FGF12: variants seen among roughly 807,000 people sequenced by gnomAD.
The protein encoded by FGF12 is fibroblast growth factor 12B.
Under a neutral mutation model 23.6 loss-of-function variants are expected in FGF12, and 14 were observed. The ratio of observed to expected loss-of-function variants is 0.59; its 90% CI spans 0.39 to 0.93. The LOEUF (loss-of-function observed/expected upper bound fraction) is 0.93, where lower values mean the gene tolerates loss of function less well. Ranked by LOEUF, FGF12 falls within the 40% of genes least tolerant of loss-of-function variation. The pLI is 0.00. For missense variants in FGF12, 175 were observed against 217.8 expected (o/e 0.80, Z 1.24); for synonymous variants, 62 against 77.3 (o/e 0.80, Z 1.04).
chr3:192,546,486 CAAAAA>C (rs34097611), intron 2 of FGF12, among the ~76,000 whole-genome samples: 1 of 142,866 alleles, frequency 7.0e-6, no homozygotes. Flanking sequence ...TGCTACTTTT[CAAAAA>C]AAAAAAAAAA....
intron 2 of FGF12, among the ~76,000 whole-genome samples, chr3:192,675,489 T>C (rs769689289): frequency 1.3e-5 from 2 of 152,152 alleles, no homozygotes; most frequent in African/African-American, 2.4e-5. Context: ...TCATTAATTA[T>C]CACCCCAAAA....
At position 192,167,767 on chromosome 3, in the gene FGF12, AT is replaced by A. The variant is rs1715292658; in HGVS notation, c.427+2690del. ...TATATATATATATATATATATATAT[AT>A]AAAATTTTTTTTTTTTTTTTTTTTT... On this transcript the variant is annotated intron_variant, in intron 5 of 5. Coordinates refer to ENST00000445105, the MANE Select transcript of FGF12 (RefSeq NM_004113.6). Among the ~76,000 whole-genome samples, 85 of 29,338 alleles carry A rather than the reference AT, an allele frequency of 2.9e-3. 4 individuals are homozygous for A. The highest frequency in any genetic ancestry group is 0.012 in the African/African-American group (81 of 6,784). The allele number at this position is 29,338 out of a possible 152,430, so 19.2% of individuals were successfully genotyped here.
chr3:192,594,328 A>G (rs929575969), intron 2 of FGF12, among the ~76,000 whole-genome samples: 6 of 151,904 alleles, frequency 3.9e-5, no homozygotes, highest in Admixed American at 2.0e-4. Flanking sequence ...TATTTAGCCT[A>G]TATTTGTTAA....
chr3:192,471,960 A>G (rs531576624), intron 2 of FGF12, among the ~76,000 whole-genome samples: 2 of 151,794 alleles, frequency 1.3e-5, no homozygotes, highest in African/African-American at 4.9e-5. Flanking sequence ...GTACCTGCAC[A>G]TGCTGATTAA....
At chr3:192,320,509 C>G (rs1377671365) in intron 4 of FGF12, among the ~76,000 whole-genome samples, 4 of 152,118 alleles carry the variant, frequency 2.6e-5, no homozygotes, top group Non-Finnish European at 5.9e-5. Flanking sequence ...GCAGAATATA[C>G]ATTCTTCTCA....
chr3:192,158,375 T>TTTC (rs1714603411), intron 5 of FGF12, among the ~76,000 whole-genome samples: 3 of 117,220 alleles, frequency 2.6e-5, no homozygotes, highest in East Asian at 2.2e-4. Flanking sequence ...TCTTTCTTTC[T>TTTC]TTCTTTCTTT....
At chr3:192,727,381 G>A in intron 1 of FGF12, 58 bp from the exon 2 acceptor site, 1 of 1,499,542 alleles carries the variant, frequency 6.7e-7, no homozygotes, top group Non-Finnish European at 8.9e-7. Context: ...AGGACACTTA[G>A]GAGCAGCAGC....
At chr3:192,511,282 C>A (rs1472781511) in intron 2 of FGF12, among the ~76,000 whole-genome samples, 2 of 151,984 alleles carry the variant, frequency 1.3e-5, no homozygotes, top group Non-Finnish European at 2.9e-5. Flanking sequence ...ACTGTAGGGA[C>A]CTACTGCCAA....
At position 192,423,055 on chromosome 3, in the gene FGF12, G is replaced by A. The variant is rs140428580; in HGVS notation, c.14-62517C>T. 4.2e-3 allele frequency among the ~76,000 whole-genome samples: 635 copies of A among 152,212 alleles called. 6 individuals carry two copies. Among genetic ancestry groups the A allele is most frequent in the African/African-American group, 0.014 (600 of 41,532 alleles). Reference sequence around the variant, plus strand: ...AAGTAAGCCTTGATATGACAGCTCCGTGAGTTTATAATCCTAACTGAGCCC... The same window carrying A: ...AAGTAAGCCTTGATATGACAGCTCCATGAGTTTATAATCCTAACTGAGCCC... On this transcript the variant is annotated intron_variant, in intron 2 of 5. Transcript: ENST00000445105.
At chr3:192,714,995 T>C (rs1251878708) in intron 2 of FGF12, among the ~76,000 whole-genome samples, 1 of 152,216 alleles carries the variant, frequency 6.6e-6, no homozygotes, top group African/African-American at 2.4e-5. Flanking sequence ...CAGCAGAGAC[T>C]GGCAAAAATC....
chr3:192,173,698 GA>G (rs1715701636), intron 4 of FGF12, among the ~76,000 whole-genome samples: 1 of 151,900 alleles, frequency 6.6e-6, no homozygotes, highest in Admixed American at 6.6e-5. Flanking sequence ...CTATGCTAAG[GA>G]ACTCTGGAAA....
rs1220936324 is a variant in FGF12 at position 192,360,169 on chromosome 3, G to A, written c.124+259C>T. Among the ~76,000 whole-genome samples the A allele has an allele frequency of 6.6e-6, 1 of 152,128 alleles. No individual in the cohort carries two copies. The highest frequency in any genetic ancestry group is 2.4e-5 in the African/African-American group (1 of 41,420). The stretch of plus-strand genomic sequence containing the variant: ...TATCATCATGCTGCCTAAAAACACT[G>A]TGATGGGAGTATATTCTTGCCCATT... On this transcript the variant is annotated intron_variant, in intron 3 of 5. Coordinates refer to ENST00000445105, the MANE Select transcript of FGF12 (RefSeq NM_004113.6). The surrounding 1 kb of genome is among the most constrained non-coding windows in gnomAD (Gnocchi z 4.3).
At chr3:192,293,357 G>A (rs914797160) in intron 4 of FGF12, among the ~76,000 whole-genome samples, 2 of 152,184 alleles carry the variant, frequency 1.3e-5, no homozygotes, top group African/African-American at 2.4e-5. Flanking sequence ...TGAAGTGTAT[G>A]TATCTGGAGA....
At chr3:192,374,035 T>A (rs1317611805) in intron 2 of FGF12, among the ~76,000 whole-genome samples, 1 of 152,220 alleles carries the variant, frequency 6.6e-6, no homozygotes, top group African/African-American at 2.4e-5. Flanking sequence ...ATGTGACACA[T>A]TGTATTAAGA....
At chr3:192,660,055 A>G (rs1560185102) in intron 2 of FGF12, among the ~76,000 whole-genome samples, 1 of 152,008 alleles carries the variant, frequency 6.6e-6, no homozygotes, top group Admixed American at 6.6e-5. Flanking sequence ...AAAGACACAC[A>G]CACACGTATG....
intron 4 of FGF12, among the ~76,000 whole-genome samples, chr3:192,191,125 G>A (rs1279033319): frequency 1.3e-5 from 2 of 152,098 alleles, no homozygotes; most frequent in African/African-American, 4.8e-5. Context: ...TGACTACCCT[G>A]ACATAATATG....
chr3:192,703,311 G>C (rs1718361957), intron 2 of FGF12, among the ~76,000 whole-genome samples: 1 of 152,178 alleles, frequency 6.6e-6, no homozygotes, highest in Non-Finnish European at 1.5e-5. Flanking sequence ...AAGTGTATAA[G>C]AGCATTATGT....
At chr3:192,711,385 C>T (rs1019172810) in intron 2 of FGF12, among the ~76,000 whole-genome samples, 7 of 152,006 alleles carry the variant, frequency 4.6e-5, no homozygotes, top group Admixed American at 2.0e-4. Context: ...CGCCTCTGCC[C>T]GGCCGCCCCT....
intron 2 of FGF12, among the ~76,000 whole-genome samples, chr3:192,605,396 A>G (rs1235718647): frequency 6.9e-6 from 1 of 144,090 alleles, no homozygotes; most frequent in African/African-American, 2.5e-5. Context: ...AAAAAAAAAA[A>G]TCCTAGAAGA....
Sources: allele counts gnomAD v4.1 joint callset (sites outside exome capture counted in the v4.1 genomes callset), GRCh38; gene constraint gnomAD v4.1.1; non-coding constraint Gnocchi (gnomAD v3.1); transcripts MANE v1.5; gene names NCBI Gene and HGNC (gene_info 2026-07-23, HGNC 2026-07-21).